The following CCNJL variants were observed in gnomAD, a reference collection of about 807,000 sequenced individuals.
CCNJL encodes the protein cyclin-J-like protein.
A neutral mutation model predicts 33.4 loss-of-function variants in CCNJL; 33 were observed. That is an observed-to-expected ratio of 0.99 (90% CI 0.75 to 1.32). The LOEUF is 1.32. CCNJL is among the 40% of genes most tolerant of loss of function. The pLI is 0.00. For synonymous variants in CCNJL, 227 were observed against 220.9 expected, an observed-to-expected ratio of 1.03 and a Z score of -0.24; for missense variants, 512 against 499.7, an observed-to-expected ratio of 1.02 and a Z score of -0.23.
chr5:160,295,024 T>A (rs1363338332), intron 2 of CCNJL: 1 of 152,278 alleles, frequency 6.6e-6, no homozygotes, highest in Non-Finnish European at 1.5e-5. Flanking sequence ...TCGCTGCGAC[T>A]CTACTTCCCT....
chr5:160,280,843 C>T, intron 2 of CCNJL, 105 bp from the exon 3 acceptor site: 1 of 774,992 alleles, frequency 1.3e-6, no homozygotes, highest in Non-Finnish European at 2.2e-6. Context: ...GGCAACGATT[C>T]CCTCCATACC....
intron 2 of CCNJL, among the ~76,000 whole-genome samples, chr5:160,293,324 G>A (rs1292708346): frequency 6.6e-6 from 1 of 152,186 alleles, no homozygotes; most frequent in African/African-American, 2.4e-5. Flanking sequence ...CTACTTGGGA[G>A]GCTGAAATAA....
chr5:160,280,644 T>C lies in CCNJL; in HGVS notation c.161A>G (p.Gln54Arg). 6.2e-7 allele frequency: 1 copy of C among 1,613,404 alleles called. No individual in the cohort carries two copies. ...CAGGTGCCGGGCTGCAGGGCAGAGC[T>C]GGCAGTGGCTGCTCAGCAGGGTCAG... ...DILTLLSSHC[Q>R]LCPAARHLAV... The change falls in exon 3 of 6, where the codon CAG becomes CGG. Residue 54 changes from glutamine to arginine, a missense_variant. Gln to Arg is a conservative substitution (Grantham distance 43). Coordinates refer to ENST00000257536, the MANE Select transcript of CCNJL (RefSeq NM_001308173.3).
chr5:160,303,249 A>G (rs1243408145), intron 2 of CCNJL, among the ~76,000 whole-genome samples: 1 of 152,148 alleles, frequency 6.6e-6, no homozygotes. Flanking sequence ...CTTGTTGCCC[A>G]AGCTGGAGCG....
At chr5:160,274,184 T>G (rs1580971251) in intron 3 of CCNJL, among the ~76,000 whole-genome samples, 1 of 151,966 alleles carries the variant, frequency 6.6e-6, no homozygotes, top group Non-Finnish European at 1.5e-5. Flanking sequence ...AAGGGCCAGG[T>G]GTGGTGGCTC....
At chr5:160,336,830 C>T (rs554691526) in intron 1 of CCNJL, among the ~76,000 whole-genome samples, 27 of 152,240 alleles carry the variant, frequency 1.8e-4, no homozygotes, top group African/African-American at 6.5e-4. Context: ...CTTTCCGTCA[C>T]AGGCCACATC....
chr5:160,273,771 C>T lies in CCNJL; in HGVS notation c.280+6754G>A, dbSNP rs189640318. On this transcript the variant is annotated intron_variant, in intron 3 of 5. Coordinates refer to ENST00000257536, the MANE Select transcript of CCNJL (RefSeq NM_001308173.3). ...AAGCAATTCTCCTCCCTCAGCCTCC[C>T]GAGTAGCTGGGACTACAGGTGCCCA... Among the ~76,000 whole-genome samples, 1,275 of 151,594 alleles carry T rather than the reference C, an allele frequency of 8.4e-3. 18 individuals carry two copies. The highest frequency in any genetic ancestry group is 0.029 in the African/African-American group (1,209 of 41,254).
chr5:160,266,337 C>T (rs937708132), intron 3 of CCNJL, among the ~76,000 whole-genome samples: 10 of 152,268 alleles, frequency 6.6e-5, no homozygotes, highest in African/African-American at 2.2e-4. Context: ...CTTTCTGATG[C>T]TAATGCTTTT....
rs142843747 is a variant in CCNJL at position 160,318,308 on chromosome 5, C to T, written n.207-2803G>A. ...CTGGAATTACAGGCGTGAGCCACCACGCCGGGCCATGTCTTCTTACAAGGA... is the reference window on the plus strand; with the variant it reads ...CTGGAATTACAGGCGTGAGCCACCATGCCGGGCCATGTCTTCTTACAAGGA... On this transcript the variant is annotated intron_variant and non_coding_transcript_variant, in intron 1 of 7. Transcript: ENST00000377503. Among the ~76,000 whole-genome samples, 395 of 152,340 alleles carry T rather than the reference C, an allele frequency of 2.6e-3. 3 individuals carry two copies. The highest frequency in any genetic ancestry group is 8.7e-3 in the African/African-American group (361 of 41,582).
In CCNJL at chr5:160,253,711, T is replaced by C; in HGVS notation, c.831A>G (p.Gln277=). The change falls in exon 6 of 6, where the codon CAA becomes CAG. Residue 277 remains glutamine, a synonymous_variant. Transcript: ENST00000257536. ...MVPGTPPTPT[Q]VLFQPPAYPA... is the part of the protein sequence containing the mutation. ...GGTAGGCTGGTGGCTGGAACAGCAC[T>C]TGAGTGGGGGTGGGGGGTGTGCCGG... 1 of 1,598,604 alleles carries C rather than the reference T, an allele frequency of 6.3e-7. No individual in the cohort carries two copies.
intron 1 of CCNJL, among the ~76,000 whole-genome samples, chr5:160,333,421 G>A (rs565631790): frequency 6.6e-6 from 1 of 151,860 alleles, no homozygotes; most frequent in Non-Finnish European, 1.5e-5. Flanking sequence ...ACCGTGCCCA[G>A]CCCAAAAATT....
intron 2 of CCNJL, among the ~76,000 whole-genome samples, chr5:160,305,168 G>C (rs1216683260): frequency 2.6e-5 from 4 of 152,056 alleles, no homozygotes; most frequent in Admixed American, 2.0e-4. Context: ...GGGGAAATTT[G>C]AGGAATTTAG....
At chr5:160,320,432 C>T (rs1034335344) in intron 1 of CCNJL, among the ~76,000 whole-genome samples, 2 of 152,164 alleles carry the variant, frequency 1.3e-5, no homozygotes, top group Non-Finnish European at 2.9e-5. Flanking sequence ...AGATGACTTA[C>T]GGCCCTCCTG....
At chr5:160,285,554 AGAGTAGC>A (rs1339657908) in intron 2 of CCNJL, among the ~76,000 whole-genome samples, 20 of 152,362 alleles carry the variant, frequency 1.3e-4, no homozygotes, top group Admixed American at 9.1e-4. Flanking sequence ...CCAACTCTAC[AGAGTAGC>A]AAGTCCATGG....
intron 2 of CCNJL, among the ~76,000 whole-genome samples, chr5:160,284,351 C>CA (rs1188782066): frequency 2.0e-5 from 3 of 150,982 alleles, no homozygotes; most frequent in African/African-American, 4.9e-5. Flanking sequence ...GACCCTGTCT[C>CA]AAAAAAAATT....
chr5:160,262,662 A>G (rs1014888635), intron 3 of CCNJL, among the ~76,000 whole-genome samples: 7 of 152,188 alleles, frequency 4.6e-5, no homozygotes, highest in Non-Finnish European at 8.8e-5. Context: ...GTTCTTTACA[A>G]TCCTCAGAGG....
chr5:160,255,338 A>T (rs1761013150), intron 5 of CCNJL: 1 of 441,570 alleles, frequency 2.3e-6, no homozygotes, highest in Admixed American at 3.9e-5. Flanking sequence ...TAAAATAAAA[A>T]GCAAACCTGA....
intron 2 of CCNJL, among the ~76,000 whole-genome samples, chr5:160,309,937 A>G (rs546338058): frequency 6.6e-6 from 1 of 152,326 alleles, no homozygotes; most frequent in African/African-American, 2.4e-5. Context: ...CGGCACTATG[A>G]CATGGCTATA....
intron 2 of CCNJL, among the ~76,000 whole-genome samples, chr5:160,282,980 T>TATATAC (rs1762272926): frequency 1.4e-5 from 1 of 71,200 alleles, no homozygotes; most frequent in African/African-American, 6.4e-5. Flanking sequence ...TATATATATA[T>TATATAC]ATATATATAT....
Sources: gnomAD v4.1 joint callset for allele counts (sites outside exome capture counted in the v4.1 genomes callset) on GRCh38, gnomAD v4.1.1 for gene constraint, MANE v1.5 for transcripts, NCBI Gene and HGNC (gene_info 2026-07-23, HGNC 2026-07-21) for gene names.